Variants in PTPRD observed in about 807,000 individuals in gnomAD.
The protein encoded by PTPRD is protein tyrosine phosphatase receptor type D.
In PTPRD, 34 loss-of-function variants were observed where a neutral mutation model predicts 214.5. The ratio of observed to expected loss-of-function variants is 0.16; its 90% CI spans 0.12 to 0.21. PTPRD has a LOEUF of 0.21. Among genes scored for constraint, PTPRD ranks in the 10% least tolerant of loss-of-function variants. The pLI, the probability that PTPRD is intolerant of heterozygous loss-of-function variation, is 1.00. For synonymous variants in PTPRD, 1,128 were observed against 845.7 expected (o/e 1.33, Z -5.79); for missense variants, 2,545 against 2,398.7 (o/e 1.06, Z -1.27).
intron 6 of PTPRD, among the ~76,000 whole-genome samples, chr9:9,739,508 C>T (rs999285569): frequency 6.6e-6 from 1 of 151,818 alleles, no homozygotes; most frequent in East Asian, 1.9e-4. Flanking sequence ...TTCTAACATC[C>T]TCTCAACATC....
intron 8 of PTPRD, among the ~76,000 whole-genome samples, chr9:9,545,483 GA>G (rs1475970815): frequency 6.6e-6 from 1 of 151,798 alleles, no homozygotes; most frequent in Admixed American, 6.6e-5. Flanking sequence ...CTATTGTTTA[GA>G]TGTGCCACAC....
chr9:8,991,302 C>T (rs1304525088), intron 11 of PTPRD, among the ~76,000 whole-genome samples: 3 of 151,286 alleles, frequency 2.0e-5, no homozygotes. Flanking sequence ...TCACATAAAA[C>T]TAGGATTAAA....
At chr9:10,175,394 C>G (rs1193919069) in intron 3 of PTPRD, among the ~76,000 whole-genome samples, 1 of 151,934 alleles carries the variant, frequency 6.6e-6, no homozygotes, top group Non-Finnish European at 1.5e-5. Context: ...TATCAACAAG[C>G]AAATCAATTA....
chr9:8,948,505 TTA>T (rs1189733065), intron 11 of PTPRD, among the ~76,000 whole-genome samples: 536 of 13,000 alleles, frequency 0.041, 57 homozygotes, highest in Admixed American at 0.05. Context: ...ATATATATAT[TTA>T]TATATATATA....
intron 7 of PTPRD, among the ~76,000 whole-genome samples, chr9:9,640,626 A>G (rs1490930860): frequency 2.0e-5 from 3 of 152,226 alleles, no homozygotes; most frequent in Non-Finnish European, 4.4e-5. Context: ...GATTCTAATC[A>G]TTAGAAGAAT....
intron 12 of PTPRD, among the ~76,000 whole-genome samples, chr9:8,708,032 C>A (rs539583902): frequency 6.6e-6 from 1 of 152,308 alleles, no homozygotes; most frequent in African/African-American, 2.4e-5. Flanking sequence ...GCTAGCTCTG[C>A]ACCATGCAAG....
At chr9:9,829,234 G>A (rs921697806) in intron 5 of PTPRD, among the ~76,000 whole-genome samples, 1 of 151,792 alleles carries the variant, frequency 6.6e-6, no homozygotes, top group Non-Finnish European at 1.5e-5. Context: ...TATAACATAA[G>A]AATACCTACA....
At chr9:8,338,792 C>G (rs971975936) in intron 43 of PTPRD, 130 bp downstream of exon 43, 1 of 816,158 alleles carries the variant, frequency 1.2e-6, no homozygotes, top group East Asian at 2.8e-5. Context: ...AAAAAACGTT[C>G]TCCAGAATGA....
At chr9:10,589,237 G>A (rs979616136) in intron 2 of PTPRD, among the ~76,000 whole-genome samples, 23 of 151,960 alleles carry the variant, frequency 1.5e-4, no homozygotes, top group African/African-American at 5.3e-4. Context: ...AAAAAGATCT[G>A]GAGAAACCTT....
At chr9:8,333,834 T>C (rs934109781) in intron 43 of PTPRD, among the ~76,000 whole-genome samples, 17 of 151,274 alleles carry the variant, frequency 1.1e-4, no homozygotes, top group Admixed American at 5.3e-4. Flanking sequence ...TGGAGGAAGA[T>C]CTACCAAGCA....
At position 8,892,992 on chromosome 9, in the gene PTPRD, A is replaced by T. The variant is rs75260006; in HGVS notation, c.-104+125705T>A. On this transcript the variant is annotated intron_variant, in intron 11 of 45. Transcript: ENST00000381196. ...ATCTTGACGTCCATGTTGGTGGAAT[A>T]GTTGAATCCAACTATAGTGAGACAT... Among the ~76,000 whole-genome samples, 684 of 152,312 alleles carry T rather than the reference A, an allele frequency of 4.5e-3. 4 individuals carry two copies. Among genetic ancestry groups the T allele is most frequent in the African/African-American group, 0.015 (644 of 41,568 alleles).
At position 8,776,422 on chromosome 9, in the gene PTPRD, G is replaced by A. The variant is rs529041116; in HGVS notation, c.-103-42476C>T. Among the ~76,000 whole-genome samples the A allele has an allele frequency of 1.2e-3, 183 of 152,126 alleles. 2 individuals carry two copies. The highest frequency in any genetic ancestry group is 4.0e-3 in the African/African-American group (166 of 41,508). Reference sequence around the variant, plus strand: ...GGGTCAGGTGATCCTGATACTTAGCGTCCCAAGTAGCTGGGACTACAGGTG... The same window carrying A: ...GGGTCAGGTGATCCTGATACTTAGCATCCCAAGTAGCTGGGACTACAGGTG... On this transcript the variant is annotated intron_variant, in intron 11 of 45. Transcript: ENST00000381196.
At chr9:9,712,530 G>A (rs925520711) in intron 7 of PTPRD, among the ~76,000 whole-genome samples, 1 of 152,244 alleles carries the variant, frequency 6.6e-6, no homozygotes, top group Non-Finnish European at 1.5e-5. Flanking sequence ...CACGAGTAAA[G>A]GTTCCTTCCT....
chr9:10,339,415 G>A (rs900767202), intron 3 of PTPRD, among the ~76,000 whole-genome samples: 7 of 151,650 alleles, frequency 4.6e-5, no homozygotes, highest in Non-Finnish European at 8.9e-5. Context: ...CCCTTCATCT[G>A]AAGTGCAAAT....
intron 3 of PTPRD, among the ~76,000 whole-genome samples, chr9:10,175,571 G>A: frequency 6.6e-6 from 1 of 151,960 alleles, no homozygotes; most frequent in East Asian, 1.9e-4. Flanking sequence ...TGAATGTAAT[G>A]GAAAACCTTG....
Position 9,093,426 on chromosome 9 carries a change from T to C in PTPRD, c.-142-74691A>G, listed in dbSNP as rs10114980. On this transcript the variant is annotated intron_variant, in intron 10 of 45. Coordinates refer to ENST00000381196, the MANE Select transcript of PTPRD (RefSeq NM_002839.4). Reference sequence around the variant, plus strand: ...GAAATATTCACCATGATAAACCATATTCCAGGCCATAAAACAAGTCTTACA... The same window carrying C: ...GAAATATTCACCATGATAAACCATACTCCAGGCCATAAAACAAGTCTTACA... 4.2e-3 allele frequency among the ~76,000 whole-genome samples: 633 copies of C among 152,048 alleles called. 6 individuals carry two copies. Among genetic ancestry groups the C allele is most frequent in the African/African-American group, 0.015 (603 of 41,510 alleles).
Position 8,978,372 on chromosome 9 carries a change from G to C in PTPRD, c.-104+40325C>G, listed in dbSNP as rs116657953. On this transcript the variant is annotated intron_variant, in intron 11 of 45. Transcript: ENST00000381196. The stretch of plus-strand genomic sequence containing the variant: ...AAATGCTCTGCACTAAGTACCCACC[G>C]TTGTACTTTGTAAAGCTTAGCCTGG... Among the ~76,000 whole-genome samples the C allele has an allele frequency of 3.9e-3, 600 of 152,220 alleles. 4 individuals carry two copies. The highest frequency in any genetic ancestry group is 0.014 in the African/African-American group (572 of 41,562).
intron 5 of PTPRD, among the ~76,000 whole-genome samples, chr9:9,797,593 C>A (rs544458747): frequency 6.6e-6 from 1 of 152,254 alleles, no homozygotes; most frequent in Admixed American, 6.5e-5. Context: ...TGCCTGTAAT[C>A]CCAGCACTTT....
chr9:10,578,535 A>C (rs1247385171), intron 2 of PTPRD, among the ~76,000 whole-genome samples: 2 of 152,160 alleles, frequency 1.3e-5, no homozygotes, highest in Admixed American at 6.5e-5. Flanking sequence ...TTGATTACCT[A>C]GTCTTCTTCG....
Sources: allele counts gnomAD v4.1 joint callset (sites outside exome capture counted in the v4.1 genomes callset), GRCh38; gene constraint gnomAD v4.1.1; transcripts MANE v1.5; gene names NCBI Gene and HGNC (gene_info 2026-07-23, HGNC 2026-07-21).